Variants in FHIT observed in about 807,000 individuals in gnomAD.
The protein encoded by FHIT is bis(5'-adenosyl)-triphosphatase.
A neutral mutation model predicts 17.9 loss-of-function variants in FHIT; 19 were observed. The ratio of observed to expected loss-of-function variants is 1.06; its 90% CI spans 0.74 to 1.56. The LOEUF (loss-of-function observed/expected upper bound fraction) is 1.56. Among genes scored for constraint, FHIT ranks in the 40% most tolerant of loss-of-function variants. FHIT has a pLI of 0.00. For synonymous variants in FHIT, 81 were observed against 69.7 expected (o/e 1.16, Z -0.81); for missense variants, 248 against 189.2 (o/e 1.31, Z -1.82).
intron 5 of FHIT, among the ~76,000 whole-genome samples, chr3:60,103,486 A>C (rs931999088): frequency 2.6e-5 from 4 of 152,190 alleles, no homozygotes; most frequent in African/African-American, 9.6e-5. Flanking sequence ...TGACAGGATA[A>C]AAAGGGATCT....
At chr3:60,112,334 C>T (rs935285724) in intron 5 of FHIT, among the ~76,000 whole-genome samples, 4 of 152,172 alleles carry the variant, frequency 2.6e-5, no homozygotes, top group Admixed American at 2.6e-4. Flanking sequence ...AAATCAAGAA[C>T]TTGTCACCAT....
chr3:61,033,295 C>T (rs1431064471), intron 3 of FHIT, among the ~76,000 whole-genome samples: 2 of 152,138 alleles, frequency 1.3e-5, no homozygotes, highest in African/African-American at 4.8e-5. Context: ...TTGTCTATGG[C>T]TGCTTTTGAT....
intron 5 of FHIT, among the ~76,000 whole-genome samples, chr3:60,292,371 C>G (rs1014155435): frequency 5.5e-5 from 5 of 90,428 alleles, no homozygotes; most frequent in African/African-American, 1.3e-4. Flanking sequence ...AGCAAATCCT[C>G]AACACGTTGG....
intron 4 of FHIT, among the ~76,000 whole-genome samples, chr3:60,604,004 G>C (rs1226927636): frequency 6.6e-6 from 1 of 152,166 alleles, no homozygotes; most frequent in African/African-American, 2.4e-5. Context: ...GAACAGCTCA[G>C]AGTTGTTGAG....
intron 5 of FHIT, among the ~76,000 whole-genome samples, chr3:60,061,053 G>A (rs2106926009): frequency 6.6e-6 from 1 of 152,294 alleles, no homozygotes; most frequent in East Asian, 1.9e-4. Context: ...ATGCCTAGGT[G>A]TTGGCTGTCA....
At chr3:60,364,882 G>A (rs1416040582) in intron 5 of FHIT, among the ~76,000 whole-genome samples, 3 of 152,024 alleles carry the variant, frequency 2.0e-5, no homozygotes, top group Admixed American at 6.6e-5. Flanking sequence ...TCCTGCTTTT[G>A]GACACTGGCA....
intron 5 of FHIT, among the ~76,000 whole-genome samples, chr3:60,173,915 A>ATATATATTTTTTTTTTTTTTTTT: frequency 1.5e-5 from 1 of 66,444 alleles, no homozygotes; most frequent in Non-Finnish European, 2.8e-5. Context: ...ATATATATAT[A>ATATATATTTTTTTTTTTTTTTTT]TGTTTTTTTT....
chr3:60,288,011 T>A (rs894802538), intron 5 of FHIT, among the ~76,000 whole-genome samples: 1 of 152,126 alleles, frequency 6.6e-6, no homozygotes, highest in Non-Finnish European at 1.5e-5. Context: ...ATTAGCTGAG[T>A]GGTTCTGACT....
At chr3:60,560,985 A>G (rs1038385869) in intron 4 of FHIT, among the ~76,000 whole-genome samples, 1 of 152,004 alleles carries the variant, frequency 6.6e-6, no homozygotes, top group Non-Finnish European at 1.5e-5. Context: ...CCATCCCCAT[A>G]TACACAGCAG....
chr3:60,072,189 G>C (rs1185925165), intron 5 of FHIT, among the ~76,000 whole-genome samples: 1 of 152,154 alleles, frequency 6.6e-6, no homozygotes. Flanking sequence ...CTTGAAGAGA[G>C]ACAAACACTC....
chr3:60,115,639 T>C (rs1289976913), intron 5 of FHIT, among the ~76,000 whole-genome samples: 1 of 152,142 alleles, frequency 6.6e-6, no homozygotes, highest in African/African-American at 2.4e-5. Flanking sequence ...AAAACATTTG[T>C]CACAGTTTTA....
chr3:60,327,467 T>C (rs1009529710), intron 5 of FHIT, among the ~76,000 whole-genome samples: 6 of 152,232 alleles, frequency 3.9e-5, no homozygotes, highest in African/African-American at 1.2e-4. Context: ...TAAACGGGCA[T>C]GGCTATGTTC....
chr3:60,446,709 C>T (rs889750774), intron 5 of FHIT, among the ~76,000 whole-genome samples: 1 of 151,842 alleles, frequency 6.6e-6, no homozygotes, highest in African/African-American at 2.4e-5. Flanking sequence ...AAATATTAGC[C>T]AGGTATGCTC....
At chr3:60,480,717 T>A (rs1017771866) in intron 5 of FHIT, among the ~76,000 whole-genome samples, 8 of 152,214 alleles carry the variant, frequency 5.3e-5, no homozygotes, top group African/African-American at 1.9e-4. Flanking sequence ...ATCCAGGGCA[T>A]GCTCATGCAG....
chr3:59,916,592 C>T (rs991506708), intron 8 of FHIT, among the ~76,000 whole-genome samples: 18 of 152,194 alleles, frequency 1.2e-4, no homozygotes, highest in African/African-American at 4.3e-4. Flanking sequence ...CAGATAAATG[C>T]TTTTCTGCTA....
At chr3:60,007,539 A>G (rs1298433532) in intron 7 of FHIT, among the ~76,000 whole-genome samples, 1 of 152,188 alleles carries the variant, frequency 6.6e-6, no homozygotes, top group Non-Finnish European at 1.5e-5. Flanking sequence ...AATAAACCGG[A>G]GAAAAAGCTG....
At chr3:60,373,615 A>G (rs1700427297) in intron 5 of FHIT, among the ~76,000 whole-genome samples, 1 of 152,124 alleles carries the variant, frequency 6.6e-6, no homozygotes, top group South Asian at 2.1e-4. Flanking sequence ...CTCAGTGGAG[A>G]AAGCAGACTC....
chr3:59,818,454 G>T (rs982295623), intron 8 of FHIT, among the ~76,000 whole-genome samples: 17 of 152,160 alleles, frequency 1.1e-4, no homozygotes, highest in African/African-American at 4.1e-4. Flanking sequence ...TTCAAAGGAA[G>T]ATGGTGTTTT....
chr3:60,564,201 C>A (rs1021148882), intron 4 of FHIT, among the ~76,000 whole-genome samples: 1 of 152,150 alleles, frequency 6.6e-6, no homozygotes, highest in African/African-American at 2.4e-5. Flanking sequence ...GGGATGACAG[C>A]ACATCTGTCT....
Sources: allele counts gnomAD v4.1 joint callset (sites outside exome capture counted in the v4.1 genomes callset), GRCh38; gene constraint gnomAD v4.1.1; transcripts MANE v1.5; gene names NCBI Gene and HGNC (gene_info 2026-07-23, HGNC 2026-07-21).